Variants in CNTNAP4 observed in about 807,000 individuals in gnomAD.
CNTNAP4 encodes contactin-associated protein-like 4.
A neutral mutation model predicts 148.4 loss-of-function variants in CNTNAP4; 98 were observed. The observed-to-expected ratio is 0.66, with a 90% CI of 0.56 to 0.78. CNTNAP4 has a LOEUF of 0.78. Among genes scored for constraint, CNTNAP4 ranks in the 30% least tolerant of loss-of-function variants. The probability of loss-of-function intolerance (pLI) is 0.00; values close to 1 mark genes in which losing one functional copy is unlikely to be tolerated. For missense variants in CNTNAP4, 1,935 were observed against 1,565.6 expected, an observed-to-expected ratio of 1.24 and a Z score of -3.98; for synonymous variants, 730 against 565.1, an observed-to-expected ratio of 1.29 and a Z score of -4.14.
At position 76,470,482 on chromosome 16, in the gene CNTNAP4, A is replaced by ATATATATATAT. The variant is rs146482811; in HGVS notation, c.1655+2959_1655+2960insTATATATATAT. 8.0e-3 allele frequency among the ~76,000 whole-genome samples: 775 copies of ATATATATATAT among 96,980 alleles called. 79 individuals carry two copies. The highest frequency in any genetic ancestry group is 0.017 in the African/African-American group (361 of 21,130). The allele number at this position is 96,980 out of a possible 152,430, so 63.6% of individuals were successfully genotyped here. Reference sequence around the variant, plus strand: ...ATAGCAAAACCACGTCTCTACTAATAATATATATATATATAAAATTAGTCG... The same window carrying ATATATATATAT: ...ATAGCAAAACCACGTCTCTACTAATATATATATATATATATATATATATATAAAATTAGTCG... On this transcript the variant is annotated intron_variant, in intron 10 of 23. Transcript: ENST00000611870.
intron 2 of CNTNAP4, among the ~76,000 whole-genome samples, chr16:76,333,466 C>T (rs1368221815): frequency 6.6e-6 from 1 of 152,104 alleles, no homozygotes; most frequent in Non-Finnish European, 1.5e-5. Context: ...TTATTGATGA[C>T]CTCTATTTGT....
intron 13 of CNTNAP4, among the ~76,000 whole-genome samples, chr16:76,492,171 G>A (rs1197801197): frequency 6.6e-6 from 1 of 152,090 alleles, no homozygotes; most frequent in African/African-American, 2.4e-5. Context: ...AATATATTCT[G>A]GAGACATGGT....
intron 1 of CNTNAP4, among the ~76,000 whole-genome samples, chr16:76,304,393 A>G (rs1489803914): frequency 6.6e-6 from 1 of 152,156 alleles, no homozygotes; most frequent in Non-Finnish European, 1.5e-5. Flanking sequence ...CAGAAGTGCC[A>G]TAATAGAAGC....
intron 3 of CNTNAP4, among the ~76,000 whole-genome samples, chr16:76,366,510 A>G (rs1400086624): frequency 6.6e-6 from 1 of 152,194 alleles, no homozygotes; most frequent in African/African-American, 2.4e-5. Flanking sequence ...CATATGTATC[A>G]CATTTTCTTT....
chr16:76,455,977 G>A lies in CNTNAP4; in HGVS notation c.1333+3208G>A, dbSNP rs538195904. 3.3e-5 allele frequency among the ~76,000 whole-genome samples: 5 copies of A among 152,282 alleles called. No homozygotes were observed. In the East Asian group the frequency reaches 9.7e-4, roughly 29 times the overall value. On this transcript the variant is annotated intron_variant, in intron 8 of 23. Coordinates refer to ENST00000611870, the MANE Select transcript of CNTNAP4 (RefSeq NM_033401.5). ...CTGCTGTATTTTGTATGTTTATGTG[G>A]TTTAGGCTGGAAGACAGAACAAAGA...
chr16:76,533,184 C>T lies in CNTNAP4; in HGVS notation c.2756-2361C>T, dbSNP rs1471527461. Among the ~76,000 whole-genome samples the T allele has an allele frequency of 2.0e-5, 3 of 152,074 alleles. No individual in the cohort carries two copies. In the East Asian group the frequency reaches 5.8e-4, roughly 29 times the overall value. On this transcript the variant is annotated intron_variant, in intron 17 of 23. Transcript: ENST00000611870. ...AAAAAGAATAAAATCCTGTCACTCA[C>T]AGCAACATGGATGGAACTGAAGGGC...
At chr16:76,363,008 G>T (rs2013626731) in intron 3 of CNTNAP4, among the ~76,000 whole-genome samples, 1 of 151,616 alleles carries the variant, frequency 6.6e-6, no homozygotes, top group Non-Finnish European at 1.5e-5. Flanking sequence ...ATCATTTGAG[G>T]CCAGGAGTTC....
At chr16:76,386,172 C>A (rs2016498555) in intron 3 of CNTNAP4, among the ~76,000 whole-genome samples, 2 of 152,008 alleles carry the variant, frequency 1.3e-5, no homozygotes, top group African/African-American at 4.8e-5. Flanking sequence ...AGCTAGTAGG[C>A]AAATTCACAA....
rs2080313155 is a variant in CNTNAP4 at position 76,448,004 on chromosome 16, G to C, written c.539-8G>C. The stretch of plus-strand genomic sequence containing the variant: ...CCTTAGAATGCCTTCTACTATCTTT[G>C]TTTCTAGGATCAGAAGTGGTTGATC... On this transcript the variant is annotated splice_polypyrimidine_tract_variant and splice_region_variant and intron_variant, in intron 4 of 23. Transcript: ENST00000611870. The C allele has an allele frequency of 4.4e-6, 7 of 1,601,986 alleles. No homozygotes were observed. The East Asian group carries it at 1.3e-4, about 31-fold the overall frequency.
At chr16:76,555,891 G>A (rs937150342) in intron 23 of CNTNAP4, among the ~76,000 whole-genome samples, 1 of 152,170 alleles carries the variant, frequency 6.6e-6, no homozygotes, top group Non-Finnish European at 1.5e-5. Flanking sequence ...CAGAAGCAGA[G>A]CATCTGGTAA....
intron 3 of CNTNAP4, among the ~76,000 whole-genome samples, chr16:76,367,776 G>T (rs1477574357): frequency 6.6e-6 from 1 of 152,128 alleles, no homozygotes; most frequent in Non-Finnish European, 1.5e-5. Flanking sequence ...GGCTTAGTGG[G>T]TGTCGCCACC....
intron 3 of CNTNAP4, among the ~76,000 whole-genome samples, chr16:76,410,633 C>T (rs1311748344): frequency 1.3e-5 from 2 of 151,676 alleles, no homozygotes; most frequent in Non-Finnish European, 3.0e-5. Context: ...ATAGGTTAAG[C>T]CCTGATTACA....
At chr16:76,393,794 C>T (rs905526081) in intron 3 of CNTNAP4, among the ~76,000 whole-genome samples, 1 of 152,158 alleles carries the variant, frequency 6.6e-6, no homozygotes, top group African/African-American at 2.4e-5. Flanking sequence ...TGAGAACATG[C>T]ACTAAAATCT....
At chr16:76,280,895 G>A (rs1958661409) in intron 1 of CNTNAP4, among the ~76,000 whole-genome samples, 1 of 152,152 alleles carries the variant, frequency 6.6e-6, no homozygotes, top group Admixed American at 6.6e-5. Context: ...AATGGGTACA[G>A]TAGTAAGGCT....
chr16:76,381,857 G>A (rs555961094), intron 3 of CNTNAP4, among the ~76,000 whole-genome samples: 5 of 152,040 alleles, frequency 3.3e-5, no homozygotes, highest in East Asian at 1.9e-4. Context: ...TCAGGAGATC[G>A]AGACCATCCT....
At chr16:76,435,273 A>G (rs2079778671) in intron 4 of CNTNAP4, among the ~76,000 whole-genome samples, 1 of 152,146 alleles carries the variant, frequency 6.6e-6, no homozygotes, top group South Asian at 2.1e-4. Context: ...ACTTATATAA[A>G]TTAAGCAGGA....
intron 14 of CNTNAP4, 81 bp downstream of exon 14, chr16:76,495,147 A>C: frequency 3.5e-6 from 5 of 1,446,290 alleles, no homozygotes; most frequent in Non-Finnish European, 4.8e-6. Flanking sequence ...AGCTAGCCAG[A>C]TACTGAACAA....
Position 76,387,049 on chromosome 16 carries a change from C to CT in CNTNAP4, c.390+31538_390+31539insT, listed in dbSNP as rs1463932916. ...GGAAATGAATTGTCTCATAAAGCCT[C>CT]CAAAAAAAGCATGCATCCTGCTGAC... On this transcript the variant is annotated intron_variant, in intron 3 of 23. Coordinates refer to ENST00000611870, the MANE Select transcript of CNTNAP4 (RefSeq NM_033401.5). Among the ~76,000 whole-genome samples the CT allele has an allele frequency of 6.9e-5, 6 of 86,700 alleles. No individual in the cohort carries two copies. In the East Asian group the frequency reaches 5.4e-3, roughly 78 times the overall value. 56.9% of individuals were successfully genotyped at this position (86,700 alleles called of 152,430 possible).
At chr16:76,450,646 C>G (rs944585774) in intron 7 of CNTNAP4, among the ~76,000 whole-genome samples, 1 of 152,184 alleles carries the variant, frequency 6.6e-6, no homozygotes, top group African/African-American at 2.4e-5. Context: ...GAAATCTGCA[C>G]CAAGAGATCT....
Sources: gnomAD v4.1 joint callset for allele counts (sites outside exome capture counted in the v4.1 genomes callset) on GRCh38, gnomAD v4.1.1 for gene constraint, MANE v1.5 for transcripts, NCBI Gene and HGNC (gene_info 2026-07-23, HGNC 2026-07-21) for gene names.